DPH7: variants seen among roughly 807,000 people sequenced by gnomAD.
DPH7 encodes diphthamide biosynthesis 7, also known as diphthine methyltransferase.
In DPH7, 44 loss-of-function variants were observed where a neutral mutation model predicts 41.7. That is an observed-to-expected ratio of 1.05 (90% CI 0.83 to 1.36). The LOEUF (loss-of-function observed/expected upper bound fraction) is 1.36. Ranked by LOEUF, DPH7 falls within the 40% of genes most tolerant of loss-of-function variation. The probability of loss-of-function intolerance (pLI) is 0.00; values close to 1 mark genes in which losing one functional copy is unlikely to be tolerated. For synonymous variants in DPH7, 275 were observed against 238.0 expected (o/e 1.16, Z -1.43); for missense variants, 629 against 577.5 (o/e 1.09, Z -0.91).
rs780628342 is a variant in DPH7, at chr9:137,565,083, A to G, written c.710+2T>C. 1.9e-6 allele frequency: 3 copies of G among 1,613,970 alleles called. No homozygotes were observed. The highest frequency in any genetic ancestry group is 2.5e-6 in the Non-Finnish European group (3 of 1,180,000). ...ACCGAGTGCTGGCCCTTGGGCAGTT[A>G]CCTTTTGCTGGTGAAGAGAAATTTG... On this transcript the variant is annotated splice_donor_variant, in intron 6 of 8. Coordinates refer to ENST00000277540, the MANE Select transcript of DPH7 (RefSeq NM_138778.5). LOFTEE classifies it high-confidence loss of function.
rs759131414 is a variant in DPH7 at position 137,555,419 on chromosome 9, C to G, written c.1179G>C (p.Gln393His). 1 of 1,614,148 alleles carries G rather than the reference C, an allele frequency of 6.2e-7. No homozygotes were observed. The highest frequency in any genetic ancestry group is 1.3e-5 in the African/African-American group (1 of 75,058). Residue 393 changes from glutamine (Q) to histidine (H), a missense_variant, in exon 9 of 9, where the codon CAG becomes CAC. Gln to His is a conservative substitution (Grantham distance 24). Coordinates refer to ENST00000277540, the MANE Select transcript of DPH7 (RefSeq NM_138778.5). The part of the protein sequence containing the change: ...DNDGEGHARP[Q>H]SGMKPLTEGM... ...CCTCTGTGAGTGGCTTCATTCCACT[C>G]TGGGGTCTGGCATGGCCCTCCCCAT...
At position 137,575,526 on chromosome 9, in the gene DPH7, C is replaced by G. The variant is rs1039126126; in HGVS notation, c.375+554G>C. 5 of 991,628 alleles carry G rather than the reference C, an allele frequency of 5.0e-6. No individual in the cohort carries two copies. In the African/African-American group the frequency reaches 8.7e-5, roughly 17 times the overall value. The allele number at this position is 991,628 out of a possible 1,614,324, so 61.4% of individuals were successfully genotyped here. A position where few individuals can be genotyped will look rare whatever the true frequency, so the allele number is the denominator to read the frequency against. On this transcript the variant is annotated intron_variant, in intron 3 of 8. Transcript: ENST00000277540. ...CAAGGCCTTTTCCTACACAGGCCCT[C>G]GGTTGGCCCAGCCCCGCCTGCAGCA...
intron 2 of DPH7, 33 bp from the exon 3 acceptor site, chr9:137,576,200 G>C (rs1390729691): frequency 2.5e-6 from 4 of 1,598,592 alleles, no homozygotes; most frequent in Non-Finnish European, 3.4e-6. Flanking sequence ...GCACACCAAT[G>C]TGCCCGGAGC....
chr9:137,564,359 A>G, intron 8 of DPH7, 75 bp downstream of exon 8: 1 of 1,522,576 alleles, frequency 6.6e-7, no homozygotes, highest in Non-Finnish European at 8.9e-7. Flanking sequence ...GAGCTGAGGG[A>G]AGAGCCCAGC....
chr9:137,569,243 C>A (rs1839954443), intron 5 of DPH7, among the ~76,000 whole-genome samples: 1 of 151,460 alleles, frequency 6.6e-6, no homozygotes, highest in African/African-American at 2.4e-5. Flanking sequence ...ACCTTCCATC[C>A]ATCTCACCAT....
chr9:137,554,613 T>C lies in DPH7; in HGVS notation c.*626A>G, dbSNP rs556171599. Among the ~76,000 whole-genome samples the C allele has an allele frequency of 2.7e-4, 41 of 152,294 alleles. No homozygotes were observed. Among genetic ancestry groups the C allele is most frequent in the African/African-American group, 9.6e-4 (40 of 41,562 alleles). On this transcript the variant is annotated 3_prime_UTR_variant, in exon 9 of 9. Transcript: ENST00000277540. ...CACCACACCTGGCTAATTTTTGTTT[T>C]ACTTTTTATAGAGACTGGGTTTTGC...
intron 8 of DPH7, among the ~76,000 whole-genome samples, chr9:137,561,385 C>G (rs1374807544): frequency 6.6e-6 from 1 of 151,268 alleles, no homozygotes; most frequent in Middle Eastern, 3.4e-3. Flanking sequence ...AATAAAAATA[C>G]AAAAATTAGC....
Position 137,555,504 on chromosome 9 carries a change from GC to G in DPH7, c.1093del (p.Ala365GlnfsTer3), listed in dbSNP as rs1415259931. On this transcript the variant is annotated frameshift_variant, in exon 9 of 9. Transcript: ENST00000277540. LOFTEE classifies it low-confidence loss of function (END_TRUNC). ...CAACTCGCTTGCACCCTTCAGGTCTGCCGTCTTGGTTCCTAGGTTGCTAGGA... is the reference window on the plus strand; with the variant it reads ...CAACTCGCTTGCACCCTTCAGGTCTGCGTCTTGGTTCCTAGGTTGCTAGGA... Reference protein sequence around the residue: ...SFPSNLGTKTADLKGASELPT... With the variant: ...SFPSNLGTKTXDLKGASELPT... The G allele has an allele frequency of 1.9e-6, 3 of 1,614,006 alleles. No individual in the cohort carries two copies. The highest frequency in any genetic ancestry group is 2.5e-6 in the Non-Finnish European group (3 of 1,180,028).
rs771541986 is a variant in DPH7, at chr9:137,577,493, A to G, written c.264T>C (p.Thr88=). The change falls in exon 2 of 9, where the codon ACT becomes ACC. Residue 88 remains threonine (T), a synonymous_variant. Transcript: ENST00000277540. Reference sequence around the variant, plus strand: ...ACCATTTCATGTCCAGGATTGCAGAAGTATCTTTTCTTTGGACCTCGACCA... The same window carrying G: ...ACCATTTCATGTCCAGGATTGCAGAGGTATCTTTTCTTTGGACCTCGACCA... ...HPLVEVQRKD[T]SAILDMKWCH... 1.9e-6 allele frequency: 3 copies of G among 1,614,104 alleles called. No homozygotes were observed. The highest frequency in any genetic ancestry group is 2.5e-6 in the Non-Finnish European group (3 of 1,179,976).
chr9:137,563,221 A>C (rs1480011069), intron 8 of DPH7, among the ~76,000 whole-genome samples: 1 of 152,082 alleles, frequency 6.6e-6, no homozygotes, highest in Non-Finnish European at 1.5e-5. Flanking sequence ...GAGATGGAGA[A>C]ACTAAAGATG....
intron 1 of DPH7, chr9:137,578,369 T>G: frequency 3.0e-6 from 1 of 329,988 alleles, no homozygotes. Context: ...GGTTTCACCA[T>G]GTTAGCCAGG....
Position 137,578,828 on chromosome 9 carries a change from G to A in DPH7, c.-51C>T. The A allele has an allele frequency of 3.6e-6, 5 of 1,382,916 alleles. No individual in the cohort carries two copies. The highest frequency in any genetic ancestry group is 4.7e-6 in the Non-Finnish European group (5 of 1,065,240). The allele number at this position is 1,382,916 out of a possible 1,614,324, so 85.7% of individuals were successfully genotyped here. A position where few individuals can be genotyped will look rare whatever the true frequency, so the allele number is the denominator to read the frequency against. On this transcript the variant is annotated 5_prime_UTR_variant, in exon 1 of 9. Coordinates refer to ENST00000277540, the MANE Select transcript of DPH7 (RefSeq NM_138778.5). ...CCGGCAGTAGAGGCGGGTCGGCGGG[G>A]CCGGGCTGGGTACTGCGCGGGGCGG... is the stretch of plus-strand genomic sequence containing the variant.
chr9:137,576,155 C>A lies in DPH7; in HGVS notation c.300G>T (p.Pro100=). 1 of 1,613,766 alleles carries A rather than the reference C, an allele frequency of 6.2e-7. No homozygotes were observed. The highest frequency in any genetic ancestry group is 8.5e-7 in the Non-Finnish European group (1 of 1,180,012). The stretch of plus-strand genomic sequence containing the variant: ...AGCCCAAGAGGGCATGTCCAGCCAC[C>A]GGGATGTGACACCTGAGGAGAGGGC... ...AILDMKWCHI[P]VAGHALLGLA... is the part of the protein sequence containing the mutation. Residue 100 remains proline (P), a synonymous_variant, in exon 3 of 9, where the codon CCG becomes CCT. Coordinates refer to ENST00000277540, the MANE Select transcript of DPH7 (RefSeq NM_138778.5).
Position 137,555,275 on chromosome 9 carries a change from G to A in DPH7, c.1323C>T (p.Asp441=). 1 of 1,613,094 alleles carries A rather than the reference G, an allele frequency of 6.2e-7. No homozygotes were observed. The change falls in exon 9 of 9, where the codon GAC becomes GAT. Residue 441 remains aspartate, a synonymous_variant. Transcript: ENST00000277540. ...FSLLATCSFY[D]HALHLWEWEG... ...CCCACTCCCAGAGGTGGAGCGCATG[G>A]TCATAGAAGGAGCAGGTGGCCAGGA... is the stretch of plus-strand genomic sequence containing the variant.
intron 8 of DPH7, 102 bp downstream of exon 8, chr9:137,564,332 C>A: frequency 7.1e-7 from 1 of 1,399,036 alleles, no homozygotes. Flanking sequence ...AAGAGCCCAG[C>A]AGAGCAAGGG....
intron 3 of DPH7, 121 bp downstream of exon 3, chr9:137,575,959 A>T: frequency 6.5e-7 from 1 of 1,539,152 alleles, no homozygotes; most frequent in Non-Finnish European, 8.7e-7. Context: ...TAGAACGTTT[A>T]TATATAGCTC....
At chr9:137,574,104 C>G in intron 5 of DPH7, 104 bp downstream of exon 5, 1 of 1,244,184 alleles carries the variant, frequency 8.0e-7, no homozygotes, top group Admixed American at 2.2e-5. Context: ...TCTTCAAGAT[C>G]CCAACATAAC....
At chr9:137,561,644 A>C (rs1010707884) in intron 8 of DPH7, among the ~76,000 whole-genome samples, 3 of 152,082 alleles carry the variant, frequency 2.0e-5, no homozygotes, top group Non-Finnish European at 4.4e-5. Flanking sequence ...GCCACACTGA[A>C]GTGACTTTAC....
At chr9:137,569,901 C>T (rs1840119659) in intron 5 of DPH7, among the ~76,000 whole-genome samples, 1 of 151,030 alleles carries the variant, frequency 6.6e-6, no homozygotes, top group Non-Finnish European at 1.5e-5. Flanking sequence ...CGCCCTCCCA[C>T]CCACCATCCA....
Sources: gnomAD v4.1 joint callset for allele counts (sites outside exome capture counted in the v4.1 genomes callset) on GRCh38, gnomAD v4.1.1 for gene constraint, MANE v1.5 for transcripts, NCBI Gene and HGNC (gene_info 2026-07-23, HGNC 2026-07-21) for gene names.